The following PAPOLB variants were observed in gnomAD, a reference collection of about 807,000 sequenced individuals.
PAPOLB encodes the protein PAP-beta.
A neutral mutation model predicts 23.2 loss-of-function variants in PAPOLB; 19 were observed. That is an observed-to-expected ratio of 0.82 (90% CI 0.57 to 1.20). The LOEUF (loss-of-function observed/expected upper bound fraction) is 1.20. PAPOLB is among the 50% of genes most tolerant of loss of function. The pLI is 0.00. For missense variants in PAPOLB, 822 were observed against 776.8 expected, an observed-to-expected ratio of 1.06 and a Z score of -0.69; for synonymous variants, 360 against 290.7, an observed-to-expected ratio of 1.24 and a Z score of -2.43.
At position 4,859,737 on chromosome 7, in the gene PAPOLB, A is replaced by G. The variant is rs17135241; in HGVS notation, c.*160T>C. On this transcript the variant is annotated 3_prime_UTR_variant, in exon 1 of 1. Coordinates refer to ENST00000404991, the MANE Select transcript of PAPOLB (RefSeq NM_020144.5). ...TTTGCAGGGAGAACAGGGATACCGG[A>G]AAGATCTATACTGATGTTCCCTGAG... The G allele has an allele frequency of 0.11, 65,909 of 592,040 alleles. 4,065 individuals are homozygous for G. Among genetic ancestry groups the G allele is most frequent in the African/African-American group, 0.16 (8,675 of 53,642 alleles). The allele number at this position is 592,040 out of a possible 1,614,324, so 36.7% of individuals were successfully genotyped here.
rs372346054 is a variant in PAPOLB, at chr7:4,861,689, T to C, written c.122A>G (p.Gln41Arg). ...GGGCCTGAGGGTTTCTATTAGCCTC[T>C]GGGTGAGGAGGCAGTCCGTCTCCTT... ...VPKETDCLLT[Q>R]RLIETLRPFG... The change falls in exon 1 of 1, where the codon CAG (glutamine) becomes CGG (arginine). Residue 41 changes from glutamine to arginine, a missense_variant. Physicochemically the swap from Gln to Arg is conservative, Grantham distance 43 (BLOSUM62 1). This residue lies in a region of PAPOLB where 276 missense variants were observed against 243.9 expected (regional missense o/e 1.13). Transcript: ENST00000404991. The C allele has an allele frequency of 8.8e-6, 14 of 1,585,142 alleles. No individual in the cohort carries two copies. The highest frequency in any genetic ancestry group is 1.2e-5 in the Non-Finnish European group (14 of 1,167,046).
In PAPOLB at chr7:4,859,874, C is replaced by A; in HGVS notation, c.*23G>T. ...TCTTGGTCCTTTCTTCTTTATGAGG[C>A]AAGAATATCCTCTAGACTCCAACTA... On this transcript the variant is annotated 3_prime_UTR_variant, in exon 1 of 1. Coordinates refer to ENST00000404991, the MANE Select transcript of PAPOLB (RefSeq NM_020144.5). The A allele has an allele frequency of 6.7e-7, 1 of 1,491,774 alleles. No homozygotes were observed. The highest frequency in any genetic ancestry group is 9.2e-7 in the Non-Finnish European group (1 of 1,085,812). 92.4% of individuals were successfully genotyped at this position (1,491,774 alleles called of 1,614,324 possible).
At position 4,859,694 on chromosome 7, in the gene PAPOLB, T is replaced by C. The variant is rs930055278; in HGVS notation, c.*203A>G. On this transcript the variant is annotated 3_prime_UTR_variant, in exon 1 of 1. Transcript: ENST00000404991. ...CCATTCAACCTGTTTTACTGAATTC[T>C]TGATAACAGGAATTGGATTTGCAGG... 54 of 579,068 alleles carry C rather than the reference T, an allele frequency of 9.3e-5. No individual in the cohort carries two copies. Among genetic ancestry groups the C allele is most frequent in the Non-Finnish European group, 1.5e-4 (49 of 326,510 alleles). The allele number at this position is 579,068 out of a possible 1,614,324, so 35.9% of individuals were successfully genotyped here.
In PAPOLB at chr7:4,860,205, C is replaced by A. The variant is rs573330759; in HGVS notation, c.1606G>T (p.Val536Leu). The A allele has an allele frequency of 6.2e-7, 1 of 1,614,046 alleles. No homozygotes were observed. The highest frequency in any genetic ancestry group is 1.3e-5 in the African/African-American group (1 of 75,060). ...TTCATAGTGCTAGTAGATGAAGGCA[C>A]AGACATGCTGTTTTCACAGCCTGCA... ...LSAGCENSMSVPSSTSTMKTG... is the reference protein window; with the variant it reads ...LSAGCENSMSLPSSTSTMKTG... The change falls in exon 1 of 1, where the codon GTG (valine) becomes TTG (leucine). Residue 536 changes from valine (V) to leucine (L), a missense_variant. Around this residue, in one of 3 missense-constraint regions of PAPOLB, gnomAD observed 534 missense variants for 502.8 expected, o/e 1.06. Transcript: ENST00000404991.
chr7:4,858,194 T>A lies in PAPOLB; in HGVS notation c.*1703A>T, dbSNP rs901649314. On this transcript the variant is annotated 3_prime_UTR_variant, in exon 1 of 1. Transcript: ENST00000404991. ...ACAGCATAAAAGGACATGACTATATTCCAACTTTGGAAAATTAATGCAGGA... is the reference window on the plus strand; with the variant it reads ...ACAGCATAAAAGGACATGACTATATACCAACTTTGGAAAATTAATGCAGGA... 8 of 152,230 alleles carry A rather than the reference T, an allele frequency of 5.3e-5. 1 individual carries two copies. Among genetic ancestry groups the A allele is most frequent in the Admixed American group, 3.9e-4 (6 of 15,282 alleles). The allele number at this position is 152,230 out of a possible 1,614,324, so 9.4% of individuals were successfully genotyped here. A position where few individuals can be genotyped will look rare whatever the true frequency, so the allele number is the denominator to read the frequency against.
In PAPOLB at chr7:4,861,372, A is replaced by G. The variant is rs769454859; in HGVS notation, c.439T>C (p.Leu147=). The change falls in exon 1 of 1, where the codon TTA becomes CTA. Residue 147 remains leucine (L), a synonymous_variant. Coordinates refer to ENST00000404991, the MANE Select transcript of PAPOLB (RefSeq NM_020144.5). ...ACAAATGCCTCCTCGACAGCCCTTA[A>G]ATCTTTCACTTCCTCCTGTAGTTTC... ...KLKLQEEVKD[L]RAVEEAFVPV... The G allele has an allele frequency of 5.0e-6, 8 of 1,614,198 alleles. No individual in the cohort carries two copies. In the South Asian group the frequency reaches 8.8e-5, roughly 18 times the overall value.
Position 4,858,872 on chromosome 7 carries a change from C to A in PAPOLB, c.*1025G>T, listed in dbSNP as rs1583313320. 6.6e-6 allele frequency: 1 copy of A among 152,090 alleles called. No homozygotes were observed. Among genetic ancestry groups the A allele is most frequent in the Admixed American group, 6.5e-5 (1 of 15,270 alleles). 9.4% of individuals were successfully genotyped at this position (152,090 alleles called of 1,614,324 possible). ...AAATGACACATAAGCATACTGTGTG[C>A]ATACAGGCAAAGAGAAGAGAGGGAG... On this transcript the variant is annotated 3_prime_UTR_variant, in exon 1 of 1. Transcript: ENST00000404991.
rs749392738 is a variant in PAPOLB at position 4,861,734 on chromosome 7, G to A, written c.77C>T (p.Pro26Leu). ...CTCCTTGGGGACCGCTAGACTGATA[G>A]GCGAGGAGACGCCGTAGCGATTCGG... ...PPPNRYGVSS[P>L]ISLAVPKETD... Residue 26 changes from proline to leucine, a missense_variant, in exon 1 of 1, where the codon CCT becomes CTT. By Grantham distance (98) the Pro-to-Leu change is moderately conservative. Transcript: ENST00000404991. The A allele has an allele frequency of 3.3e-6, 5 of 1,520,250 alleles. No homozygotes were observed. The highest frequency in any genetic ancestry group is 2.8e-5 in the African/African-American group (2 of 71,510). 94.2% of individuals were successfully genotyped at this position (1,520,250 alleles called of 1,614,324 possible).
rs761661835 is a variant in PAPOLB at position 4,861,845 on chromosome 7, A to ACCACCGCGACCTTCACGTCCCCCC, written c.-36_-35insGGGGGGACGTGAAGGTCGCGGTGG. ...CCCGCCCCGCCAGGGCACGTCCCCCACCACCGCGACCTTCGCGGCCGCCGC... is the reference window on the plus strand; with the variant it reads ...CCCGCCCCGCCAGGGCACGTCCCCCACCACCGCGACCTTCACGTCCCCCCCCACCGCGACCTTCGCGGCCGCCGC... On this transcript the variant is annotated 5_prime_UTR_variant, in exon 1 of 1. Coordinates refer to ENST00000404991, the MANE Select transcript of PAPOLB (RefSeq NM_020144.5). 11 of 1,390,766 alleles carry ACCACCGCGACCTTCACGTCCCCCC rather than the reference A, an allele frequency of 7.9e-6. No individual in the cohort carries two copies. The African/African-American group carries it at 8.8e-5, about 11-fold the overall frequency. The allele number at this position is 1,390,766 out of a possible 1,614,324, so 86.2% of individuals were successfully genotyped here.
chr7:4,861,763 C>T lies in PAPOLB; in HGVS notation c.48G>A (p.Pro16=). Residue 16 remains proline, a synonymous_variant, in exon 1 of 1, where the codon CCG becomes CCA. Coordinates refer to ENST00000404991, the MANE Select transcript of PAPOLB (RefSeq NM_020144.5). ...AGGAGACGCCGTAGCGATTCGGCGG[C>T]GGCGCCGGCTGCGGTGGTCCCTGGG... ...VTTQGPPQPA[P]PPNRYGVSSP... 1.3e-6 allele frequency: 2 copies of T among 1,485,322 alleles called. No individual in the cohort carries two copies. Among genetic ancestry groups the T allele is most frequent in the Non-Finnish European group, 8.9e-7 (1 of 1,119,754 alleles). The allele number at this position is 1,485,322 out of a possible 1,614,324, so 92.0% of individuals were successfully genotyped here.
chr7:4,861,939 C>T lies in PAPOLB; in HGVS notation c.-129G>A, dbSNP rs1384686144. ...GCCCTGGTCCGACCCCACTCCCACT[C>T]CCGCTGCGCGCCCGCCGCTTCAGGA... On this transcript the variant is annotated 5_prime_UTR_variant, in exon 1 of 1. Coordinates refer to ENST00000404991, the MANE Select transcript of PAPOLB (RefSeq NM_020144.5). 14 of 516,582 alleles carry T rather than the reference C, an allele frequency of 2.7e-5. No individual in the cohort carries two copies. The highest frequency in any genetic ancestry group is 9.9e-5 in the East Asian group (3 of 30,372). 32.0% of individuals were successfully genotyped at this position (516,582 alleles called of 1,614,324 possible). A position where few individuals can be genotyped will look rare whatever the true frequency, so the allele number is the denominator to read the frequency against.
Position 4,860,497 on chromosome 7 carries a change from C to T in PAPOLB, c.1314G>A (p.Trp438Ter). ...GCTTTTTTAGCCCTAACCCAATCAC[C>T]CACATTGTACGAAATTCTTCCATAT... The part of the protein sequence containing the change: ...NPDMEEFRTM[W>*]VIGLGLKKPD... The change falls in exon 1 of 1, where the codon TGG becomes TGA. Residue 438 changes from tryptophan to a stop codon, truncating the protein, a stop_gained. Transcript: ENST00000404991. LOFTEE classifies it low-confidence loss of function (END_TRUNC). The T allele has an allele frequency of 6.2e-7, 1 of 1,614,094 alleles. No individual in the cohort carries two copies. The highest frequency in any genetic ancestry group is 8.5e-7 in the Non-Finnish European group (1 of 1,179,954).
At position 4,861,499 on chromosome 7, in the gene PAPOLB, G is replaced by C. The variant is rs778850967; in HGVS notation, c.312C>G (p.Tyr104Ter). Residue 104 changes from tyrosine (Y) to a stop codon, truncating the protein, a stop_gained, in exon 1 of 1, where the codon TAC becomes TAG. Transcript: ENST00000404991. LOFTEE classifies it high-confidence loss of function. ...CGCCTTTCGTATGTACTCCTAATCT[G>C]TAAGAGCCAAACGTAAAAATCTTTC... ...VGGKIFTFGSYRLGVHTKGAD... is the reference protein window; with the variant it reads ...VGGKIFTFGS 4 of 1,613,954 alleles carry C rather than the reference G, an allele frequency of 2.5e-6. No individual in the cohort carries two copies. The highest frequency in any genetic ancestry group is 2.7e-5 in the African/African-American group (2 of 74,936).
chr7:4,861,144 G>A lies in PAPOLB; in HGVS notation c.667C>T (p.Leu223=), dbSNP rs747635560. ...CACAGTTTGATGGCTCTCAGAGTCA[G>A]CCTGAAGTTGTCAATGTTTGGCACT... is the stretch of plus-strand genomic sequence containing the variant. The part of the protein sequence containing the change: ...HLVPNIDNFR[L]TLRAIKLWAK... The change falls in exon 1 of 1, where the codon CTG becomes TTG. Residue 223 remains leucine (L), a synonymous_variant. Transcript: ENST00000404991. The A allele has an allele frequency of 6.2e-7, 1 of 1,614,208 alleles. No individual in the cohort carries two copies. Among genetic ancestry groups the A allele is most frequent in the Non-Finnish European group, 8.5e-7 (1 of 1,180,046 alleles).
At position 4,861,812 on chromosome 7, in the gene PAPOLB, T is replaced by G. The variant is rs1318097830; in HGVS notation, c.-2A>C. On this transcript the variant is annotated 5_prime_UTR_variant, in exon 1 of 1. Coordinates refer to ENST00000404991, the MANE Select transcript of PAPOLB (RefSeq NM_020144.5). ...GGTTGTCACCGGAAACGGCATCATCTTTCAGCGCCCGCCCCGCCAGGGCAC... is the reference window on the plus strand; with the variant it reads ...GGTTGTCACCGGAAACGGCATCATCGTTCAGCGCCCGCCCCGCCAGGGCAC... The G allele has an allele frequency of 7.4e-7, 1 of 1,349,546 alleles. No individual in the cohort carries two copies. The highest frequency in any genetic ancestry group is 9.5e-7 in the Non-Finnish European group (1 of 1,055,178). 83.6% of individuals were successfully genotyped at this position (1,349,546 alleles called of 1,614,324 possible).
At position 4,860,284 on chromosome 7, in the gene PAPOLB, G is replaced by C. The variant is rs376279221; in HGVS notation, c.1527C>G (p.His509Gln). Residue 509 changes from histidine (H) to glutamine (Q), a missense_variant, in exon 1 of 1, where the codon CAC (histidine) becomes CAG (glutamine). By Grantham distance (24) the His-to-Gln change is conservative. Coordinates refer to ENST00000404991, the MANE Select transcript of PAPOLB (RefSeq NM_020144.5). ...CTGTCAATCTTCTACCTTCTGTTGA[G>C]TGTGCTTTCTTGTCCTGAAGCACAT... ...PHHVLQDKKA[H>Q]STEGRRLTDL... 3 of 1,613,874 alleles carry C rather than the reference G, an allele frequency of 1.9e-6. No individual in the cohort carries two copies. Among genetic ancestry groups the C allele is most frequent in the Non-Finnish European group, 2.5e-6 (3 of 1,179,808 alleles).
rs994897053 is a variant in PAPOLB, at chr7:4,861,873, G to T, written c.-63C>A. The stretch of plus-strand genomic sequence containing the variant: ...ACCGCGACCTTCGCGGCCGCCGCCC[G>T]GGTCATGATCCGCTGAGGCGGAAGG... On this transcript the variant is annotated 5_prime_UTR_variant, in exon 1 of 1. Coordinates refer to ENST00000404991, the MANE Select transcript of PAPOLB (RefSeq NM_020144.5). 2 of 531,038 alleles carry T rather than the reference G, an allele frequency of 3.8e-6. No individual in the cohort carries two copies. The highest frequency in any genetic ancestry group is 4.9e-6 in the Non-Finnish European group (2 of 408,838). The allele number at this position is 531,038 out of a possible 1,614,324, so 32.9% of individuals were successfully genotyped here. A position where few individuals can be genotyped will look rare whatever the true frequency, so the allele number is the denominator to read the frequency against.
In PAPOLB at chr7:4,860,084, G is replaced by A; in HGVS notation, c.1727C>T (p.Ser576Phe). 6 of 1,613,992 alleles carry A rather than the reference G, an allele frequency of 3.7e-6. No individual in the cohort carries two copies. The highest frequency in any genetic ancestry group is 5.1e-6 in the Non-Finnish European group (6 of 1,179,878). Residue 576 changes from serine (S) to phenylalanine (F), a missense_variant, in exon 1 of 1, where the codon TCC becomes TTC. Ser to Phe is a radical substitution (Grantham distance 155). Transcript: ENST00000404991. ...TTCATTGGTATTCACCTGTTGCAAG[G>A]AAAATTCAGTAGCCTGTATGTTAGC... ...SVANIQATEF[S>F]LQQVNTNESS...
Position 4,861,255 on chromosome 7 carries a change from T to C in PAPOLB, c.556A>G (p.Arg186Gly). 1 of 1,614,174 alleles carries C rather than the reference T, an allele frequency of 6.2e-7. No individual in the cohort carries two copies. The highest frequency in any genetic ancestry group is 8.5e-7 in the Non-Finnish European group (1 of 1,179,990). ...LQTIPEDLDLRDDSLLKNLDI... is the reference protein window; with the variant it reads ...LQTIPEDLDLGDDSLLKNLDI... ...AAATTTTTAAGTAGACTGTCATCTC[T>C]TAAGTCCAAATCTTCTGGAATAGTC... The change falls in exon 1 of 1, where the codon AGA becomes GGA. Residue 186 changes from arginine (R) to glycine (G), a missense_variant. Coordinates refer to ENST00000404991, the MANE Select transcript of PAPOLB (RefSeq NM_020144.5).
Sources: allele counts gnomAD v4.1 joint callset, GRCh38; gene constraint gnomAD v4.1.1; regional missense constraint gnomAD v4.1.1; transcripts MANE v1.5; gene names NCBI Gene and HGNC (gene_info 2026-07-23, HGNC 2026-07-21).